Variants in DNAJC8 observed in about 807,000 individuals in gnomAD.
The protein encoded by DNAJC8 is dnaJ homolog subfamily C member 8.
A neutral mutation model predicts 43.2 loss-of-function variants in DNAJC8; 24 were observed. The observed-to-expected ratio is 0.56, with a 90% CI of 0.40 to 0.78. The LOEUF (loss-of-function observed/expected upper bound fraction) is 0.78, where lower values mean the gene tolerates loss of function less well. Ranked by LOEUF, DNAJC8 falls within the 30% of genes least tolerant of loss-of-function variation. The probability of loss-of-function intolerance (pLI) is 0.00; values close to 1 mark genes in which losing one functional copy is unlikely to be tolerated. For synonymous variants in DNAJC8, 83 were observed against 98.0 expected, an observed-to-expected ratio of 0.85 and a Z score of 0.90; for missense variants, 207 against 299.4, an observed-to-expected ratio of 0.69 and a Z score of 2.28.
intron 1 of DNAJC8, among the ~76,000 whole-genome samples, chr1:28,229,626 T>A (rs991044200): frequency 2.0e-5 from 3 of 151,310 alleles, no homozygotes; most frequent in Non-Finnish European, 2.9e-5. Context: ...ATACAAAAAA[T>A]TAGCTGGGCA....
intron 6 of DNAJC8, among the ~76,000 whole-genome samples, 194 bp from the exon 7 acceptor site, chr1:28,205,543 C>T (rs986528777): frequency 1.3e-5 from 2 of 152,182 alleles, no homozygotes; most frequent in African/African-American, 2.4e-5. Flanking sequence ...AAGAGCTTGA[C>T]TGCCCTGGCA....
chr1:28,218,221 G>C (rs1348726645), intron 2 of DNAJC8, among the ~76,000 whole-genome samples: 3 of 150,730 alleles, frequency 2.0e-5, no homozygotes, highest in South Asian at 4.2e-4. Context: ...TCAGCCTCCT[G>C]AGTAGCTGGA....
chr1:28,217,940 A>C (rs1646870799), intron 2 of DNAJC8, among the ~76,000 whole-genome samples: 1 of 151,972 alleles, frequency 6.6e-6, no homozygotes, highest in African/African-American at 2.4e-5. Flanking sequence ...AAAAACTAAA[A>C]TAGCTATAAA....
chr1:28,210,372 G>C, intron 4 of DNAJC8, 199 bp downstream of exon 4: 1 of 573,916 alleles, frequency 1.7e-6, no homozygotes, highest in Non-Finnish European at 3.0e-6. Flanking sequence ...GCATATAAAA[G>C]TTTTAACAAA....
intron 1 of DNAJC8, among the ~76,000 whole-genome samples, chr1:28,231,353 T>A (rs1646973087): frequency 6.6e-6 from 1 of 151,988 alleles, no homozygotes; most frequent in Non-Finnish European, 1.5e-5. Context: ...ATAAATAAAT[T>A]AAATTAAATT....
chr1:28,229,540 G>A (rs1179207947), intron 1 of DNAJC8, among the ~76,000 whole-genome samples: 2 of 152,124 alleles, frequency 1.3e-5, no homozygotes, highest in South Asian at 2.1e-4. Context: ...TTGGGAGGCT[G>A]GGGGGTGGGC....
At chr1:28,228,187 A>T (rs1646950267) in intron 2 of DNAJC8, among the ~76,000 whole-genome samples, 4 of 151,966 alleles carry the variant, frequency 2.6e-5, no homozygotes, top group Non-Finnish European at 5.9e-5. Flanking sequence ...CATCTCTACT[A>T]AGAATACAAA....
chr1:28,213,602 C>A (rs1287995641), intron 3 of DNAJC8, among the ~76,000 whole-genome samples: 3 of 152,012 alleles, frequency 2.0e-5, no homozygotes, highest in Non-Finnish European at 4.4e-5. Context: ...TGGTCAGACC[C>A]TATTAAAATA....
chr1:28,232,973 G>C lies in DNAJC8; in HGVS notation c.26C>G (p.Thr9Ser), dbSNP rs979301390. MAASGESG[T>S]SGGGGSTEEA... ...CTCGGTGCTGCCTCCGCCGCCTGAA[G>C]TCCCGCTCTCTCCTGAAGCCGCCAT... Residue 9 changes from threonine (T) to serine (S), a missense_variant, in exon 1 of 9, where the codon ACT becomes AGT. Thr to Ser is a moderately conservative substitution (Grantham distance 58). Around this residue, in one of 2 missense-constraint regions of DNAJC8, gnomAD observed 48 missense variants for 31.9 expected, o/e 1.50. Transcript: ENST00000263697. 2.5e-6 allele frequency: 4 copies of C among 1,612,794 alleles called. No individual in the cohort carries two copies. The highest frequency in any genetic ancestry group is 1.3e-5 in the African/African-American group (1 of 74,878).
chr1:28,225,556 G>A (rs1053213226), intron 2 of DNAJC8, among the ~76,000 whole-genome samples: 1 of 151,034 alleles, frequency 6.6e-6, no homozygotes, highest in African/African-American at 2.4e-5. Flanking sequence ...GGGTCAGGGA[G>A]AAAATGAGGA....
At chr1:28,223,868 G>A (rs74888190) in intron 2 of DNAJC8, among the ~76,000 whole-genome samples, 5,957 of 152,246 alleles carry the variant, frequency 0.039, 163 homozygotes, top group Non-Finnish European at 0.064. Flanking sequence ...TCCAGGGTCT[G>A]TAAGCTGTGA....
At chr1:28,223,254 C>T (rs780100661) in intron 2 of DNAJC8, among the ~76,000 whole-genome samples, 2 of 152,164 alleles carry the variant, frequency 1.3e-5, no homozygotes, top group Non-Finnish European at 2.9e-5. Flanking sequence ...AAGAAGGTGG[C>T]TTGACGGAGG....
intron 2 of DNAJC8, among the ~76,000 whole-genome samples, chr1:28,223,259 C>T (rs1646911122): frequency 6.6e-6 from 1 of 152,088 alleles, no homozygotes; most frequent in Non-Finnish European, 1.5e-5. Context: ...GGTGGCTTGA[C>T]GGAGGATGTC....
chr1:28,206,774 A>G (rs1646771485), intron 6 of DNAJC8, among the ~76,000 whole-genome samples: 1 of 152,238 alleles, frequency 6.6e-6, no homozygotes, highest in Non-Finnish European at 1.5e-5. Flanking sequence ...AAATTCTAAA[A>G]TCAGACACTG....
Position 28,223,066 on chromosome 1 carries a change from C to CCCACA in DNAJC8, c.180+5851_180+5855dup, listed in dbSNP as rs574495252. On this transcript the variant is annotated intron_variant, in intron 2 of 8. Coordinates refer to ENST00000263697, the MANE Select transcript of DNAJC8 (RefSeq NM_014280.3). ...GTACAAGAACCCAAGCAAGGACATTCCCACAAAGGGCAGCCAAGCATGGGG... is the reference window on the plus strand; with the variant it reads ...GTACAAGAACCCAAGCAAGGACATTCCCACACCACAAAGGGCAGCCAAGCATGGGG... Among the ~76,000 whole-genome samples the CCCACA allele has an allele frequency of 2.7e-3, 408 of 152,184 alleles. 3 individuals are homozygous for CCCACA. The highest frequency in any genetic ancestry group is 6.8e-3 in the African/African-American group (281 of 41,518).
At chr1:28,222,684 C>A (rs533435985) in intron 2 of DNAJC8, among the ~76,000 whole-genome samples, 4 of 152,034 alleles carry the variant, frequency 2.6e-5, no homozygotes, top group South Asian at 4.2e-4. Flanking sequence ...TCACATGGCC[C>A]AGAGCACAGT....
At chr1:28,202,389 C>T (rs1170553126) in intron 8 of DNAJC8, among the ~76,000 whole-genome samples, 2 of 152,064 alleles carry the variant, frequency 1.3e-5, no homozygotes, top group African/African-American at 4.8e-5. Flanking sequence ...ACATCATTCT[C>T]CTGCCTCAGC....
chr1:28,210,686 A>C, intron 3 of DNAJC8, 49 bp from the exon 4 acceptor site: 1 of 1,480,034 alleles, frequency 6.8e-7, no homozygotes, highest in East Asian at 2.3e-5. Context: ...ACATTTACTA[A>C]CTTCCAGCCT....
chr1:28,227,850 A>G (rs1646947839), intron 2 of DNAJC8, among the ~76,000 whole-genome samples: 1 of 152,214 alleles, frequency 6.6e-6, no homozygotes, highest in African/African-American at 2.4e-5. Context: ...TATTTCTCTT[A>G]GGTGGGATTA....
Sources: allele counts gnomAD v4.1 joint callset (sites outside exome capture counted in the v4.1 genomes callset), GRCh38; gene constraint gnomAD v4.1.1; regional missense constraint gnomAD v4.1.1; transcripts MANE v1.5; gene names NCBI Gene and HGNC (gene_info 2026-07-23, HGNC 2026-07-21).